The following KIAA0825 variants were observed in gnomAD, a reference collection of about 807,000 sequenced individuals.
KIAA0825 encodes KIAA0825.
KIAA0825 carries 119 observed loss-of-function variants against 147.6 expected under a neutral mutation model. That is an observed-to-expected ratio of 0.81 (90% CI 0.69 to 0.94). The LOEUF is 0.94. Among genes scored for constraint, KIAA0825 ranks in the 40% least tolerant of loss-of-function variants. KIAA0825 has a pLI of 0.00. For missense variants in KIAA0825, 1,381 were observed against 1,472.7 expected, an observed-to-expected ratio of 0.94 and a Z score of 1.02; for synonymous variants, 470 against 518.1, an observed-to-expected ratio of 0.91 and a Z score of 1.26.
chr5:94,473,490 A>G lies in KIAA0825; in HGVS notation c.1257T>C (p.Ser419=). ...TGGGAAGAGACACTTCTTTAAATGC[A>G]CTTCTCCAGCCAAAATCTAGTAAGG... ...EATLLDFGWR[S]AFKEVSLPMA... is the part of the protein sequence containing the mutation. The change falls in exon 8 of 21, where the codon AGT becomes AGC. Residue 419 remains serine, a synonymous_variant. Coordinates refer to ENST00000682413, the MANE Select transcript of KIAA0825 (RefSeq NM_001145678.3). The G allele has an allele frequency of 3.2e-6, 5 of 1,551,632 alleles. No individual in the cohort carries two copies. Among genetic ancestry groups the G allele is most frequent in the Non-Finnish European group, 4.4e-6 (5 of 1,146,930 alleles).
At chr5:94,393,162 G>A (rs1750143657) in intron 17 of KIAA0825, among the ~76,000 whole-genome samples, 1 of 152,166 alleles carries the variant, frequency 6.6e-6, no homozygotes, top group Non-Finnish European at 1.5e-5. Flanking sequence ...TTCCTCTCCG[G>A]ATTTGGGACT....
intron 2 of KIAA0825, among the ~76,000 whole-genome samples, chr5:94,547,736 C>CAAAAAAAAAAAAAAAAAAAAAAAAAA (rs144612994): frequency 7.8e-6 from 1 of 127,678 alleles, no homozygotes; most frequent in African/African-American, 3.3e-5. Flanking sequence ...GACTCCCTTT[C>CAAAAAAAAAAAAAAAAAAAAAAAAAA]AAAAAAAAAA....
intron 19 of KIAA0825, among the ~76,000 whole-genome samples, 178 bp downstream of exon 19, chr5:94,386,064 T>C (rs772859299): frequency 1.3e-5 from 2 of 152,046 alleles, no homozygotes; most frequent in Admixed American, 1.3e-4. Context: ...GTTTGACAAA[T>C]AGAAAAAAGG....
chr5:94,339,669 G>A (rs191446108), intron 20 of KIAA0825, among the ~76,000 whole-genome samples: 7 of 152,200 alleles, frequency 4.6e-5, no homozygotes, highest in Non-Finnish European at 8.8e-5. Context: ...GGAACTACTC[G>A]TAATTGCATT....
chr5:94,539,544 C>A (rs1035614659), intron 2 of KIAA0825, among the ~76,000 whole-genome samples: 1 of 152,018 alleles, frequency 6.6e-6, no homozygotes, highest in African/African-American at 2.4e-5. Flanking sequence ...ATCTTTCTGG[C>A]AAACCCCAAA....
intron 20 of KIAA0825, among the ~76,000 whole-genome samples, chr5:94,279,559 C>G (rs1398005128): frequency 6.6e-6 from 1 of 152,012 alleles, no homozygotes; most frequent in African/African-American, 2.4e-5. Flanking sequence ...CGCCTTTCTT[C>G]CCATTCTTTT....
intron 3 of KIAA0825, 31 bp downstream of exon 3, chr5:94,536,965 C>A (rs761589903): frequency 2.0e-6 from 3 of 1,505,824 alleles, no homozygotes; most frequent in African/African-American, 2.8e-5. Context: ...AATGTGAAAA[C>A]AACTTGTTTT....
chr5:94,161,033 C>T (rs1354352128), intron 20 of KIAA0825, among the ~76,000 whole-genome samples: 1 of 152,208 alleles, frequency 6.6e-6, no homozygotes, highest in African/African-American at 2.4e-5. Context: ...TATGCCACGA[C>T]TCCCAATCTT....
intron 5 of KIAA0825, among the ~76,000 whole-genome samples, chr5:94,512,024 T>A (rs920669522): frequency 6.6e-6 from 1 of 151,946 alleles, no homozygotes; most frequent in African/African-American, 2.4e-5. Context: ...TAAAAAATAT[T>A]TGACTTTATA....
chr5:94,526,674 G>C (rs922261432), intron 3 of KIAA0825, among the ~76,000 whole-genome samples: 1 of 151,922 alleles, frequency 6.6e-6, no homozygotes, highest in African/African-American at 2.4e-5. Flanking sequence ...TTCACTCCTA[G>C]ATTCCCTGAC....
intron 13 of KIAA0825, among the ~76,000 whole-genome samples, chr5:94,440,996 A>C (rs1757008845): frequency 6.6e-6 from 1 of 152,148 alleles, no homozygotes; most frequent in African/African-American, 2.4e-5. Flanking sequence ...AGGGCGGCAC[A>C]GGGAAGGGAA....
chr5:94,163,471 T>G (rs1261817665), intron 20 of KIAA0825, among the ~76,000 whole-genome samples: 2 of 152,176 alleles, frequency 1.3e-5, no homozygotes, highest in East Asian at 3.9e-4. Context: ...GGTTGTTGAT[T>G]GCCTTGCTTC....
intron 20 of KIAA0825, among the ~76,000 whole-genome samples, chr5:94,216,487 AG>A (rs1773211872): frequency 6.6e-6 from 1 of 152,298 alleles, no homozygotes; most frequent in Admixed American, 6.5e-5. Flanking sequence ...TTTTAACAGG[AG>A]GAATCCAGGA....
At chr5:94,318,523 G>A (rs979790058) in intron 20 of KIAA0825, among the ~76,000 whole-genome samples, 10 of 151,980 alleles carry the variant, frequency 6.6e-5, no homozygotes, top group Non-Finnish European at 1.2e-4. Context: ...ATAATTTCCT[G>A]TAGAAAATGC....
At chr5:94,180,271 A>T (rs151060737) in intron 20 of KIAA0825, among the ~76,000 whole-genome samples, 70 of 152,170 alleles carry the variant, frequency 4.6e-4, no homozygotes, top group African/African-American at 1.5e-3. Flanking sequence ...AATCACGAGA[A>T]ACCATCTTAC....
At chr5:94,263,080 T>A (rs1776578122) in intron 20 of KIAA0825, among the ~76,000 whole-genome samples, 1 of 152,152 alleles carries the variant, frequency 6.6e-6, no homozygotes, top group Non-Finnish European at 1.5e-5. Flanking sequence ...CCCCAAACTG[T>A]CCAGCTTTCA....
intron 5 of KIAA0825, among the ~76,000 whole-genome samples, chr5:94,507,759 G>A (rs1765932789): frequency 6.6e-6 from 1 of 150,826 alleles, no homozygotes; most frequent in South Asian, 2.1e-4. Context: ...AGAAAACAAA[G>A]TTCTGAACAC....
Position 94,593,339 on chromosome 5 carries a change from G to C in KIAA0825, c.-152-10756C>G, listed in dbSNP as rs75199247. The C allele has an allele frequency of 3.2e-3, 2,981 of 945,658 alleles. 53 individuals carry two copies. In the African/African-American group the frequency reaches 0.04, roughly 13 times the overall value. 58.6% of individuals were successfully genotyped at this position (945,658 alleles called of 1,614,324 possible). A position where few individuals can be genotyped will look rare whatever the true frequency, so the allele number is the denominator to read the frequency against. ...AACTTGGAAACCATCCAGAACTTAA[G>C]TTCCTTGTCTGTCTTGATGGTCAAC... On this transcript the variant is annotated intron_variant, in intron 1 of 20. Coordinates refer to ENST00000682413, the MANE Select transcript of KIAA0825 (RefSeq NM_001145678.3).
intron 20 of KIAA0825, among the ~76,000 whole-genome samples, chr5:94,173,191 CTGT>C (rs780858558): frequency 6.1e-5 from 9 of 146,750 alleles, no homozygotes; most frequent in Non-Finnish European, 1.2e-4. Context: ...AGAAAAGATG[CTGT>C]TACCAGGGCA....
Sources: allele counts gnomAD v4.1 joint callset (sites outside exome capture counted in the v4.1 genomes callset), GRCh38; gene constraint gnomAD v4.1.1; transcripts MANE v1.5; gene names NCBI Gene and HGNC (gene_info 2026-07-23, HGNC 2026-07-21).